GRB10: variants seen among roughly 807,000 people sequenced by gnomAD.
GRB10 encodes the protein growth factor receptor bound protein 10.
GRB10 carries 20 observed loss-of-function variants against 80.9 expected under a neutral mutation model. The ratio of observed to expected loss-of-function variants is 0.25; its 90% CI spans 0.17 to 0.36. GRB10 has a LOEUF of 0.36. Ranked by LOEUF, GRB10 falls within the 10% of genes least tolerant of loss-of-function variation. The pLI is 1.00. For synonymous variants in GRB10, 291 were observed against 291.5 expected, an observed-to-expected ratio of 1.00 and a Z score of 0.02; for missense variants, 548 against 747.7, an observed-to-expected ratio of 0.73 and a Z score of 3.12.
chr7:50,669,600 C>A, intron 7 of GRB10, 122 bp downstream of exon 7: 2 of 937,958 alleles, frequency 2.1e-6, no homozygotes, highest in Non-Finnish European at 3.3e-6. Context: ...AAGAAAAGAA[C>A]TGAGAGAGAA....
intron 3 of GRB10, among the ~76,000 whole-genome samples, chr7:50,737,198 A>G (rs927024327): frequency 6.6e-6 from 1 of 152,232 alleles, no homozygotes; most frequent in African/African-American, 2.4e-5. Flanking sequence ...CCCCACCCAA[A>G]TCTCATGTTG....
chr7:50,592,936 G>A lies in GRB10; in HGVS notation c.*16C>T, dbSNP rs576031631. 11 of 1,613,734 alleles carry A rather than the reference G, an allele frequency of 6.8e-6. No individual in the cohort carries two copies. Among genetic ancestry groups the A allele is most frequent in the African/African-American group, 1.3e-5 (1 of 75,030 alleles). The stretch of plus-strand genomic sequence containing the variant: ...TGTTCACTTCCTCCAGTCTTCAGCC[G>A]AGAGGACATCTGCGGTCATAAGGCC... On this transcript the variant is annotated 3_prime_UTR_variant, in exon 19 of 19. Transcript: ENST00000401949.
chr7:50,738,069 T>C (rs1490342073), intron 3 of GRB10, among the ~76,000 whole-genome samples: 2 of 152,158 alleles, frequency 1.3e-5, no homozygotes, highest in Admixed American at 1.3e-4. Flanking sequence ...TGCAACAAGA[T>C]ACCACCTGAC....
intron 4 of GRB10, among the ~76,000 whole-genome samples, chr7:50,715,245 C>A (rs1394845794): frequency 6.6e-6 from 1 of 151,534 alleles, no homozygotes; most frequent in Non-Finnish European, 1.5e-5. Flanking sequence ...CAGGGAAGGG[C>A]ATGGAGCAGC....
intron 7 of GRB10, among the ~76,000 whole-genome samples, chr7:50,666,124 T>C (rs1010222222): frequency 1.3e-5 from 2 of 152,216 alleles, no homozygotes; most frequent in African/African-American, 4.8e-5. Context: ...CCTGTCCTTC[T>C]AGATAGAATA....
chr7:50,663,288 T>A (rs1218164142), intron 7 of GRB10, among the ~76,000 whole-genome samples: 1 of 152,154 alleles, frequency 6.6e-6, no homozygotes, highest in Non-Finnish European at 1.5e-5. Context: ...AGGTGGCACC[T>A]CCCTGTACCT....
At chr7:50,754,819 A>G (rs1422281202) in intron 3 of GRB10, among the ~76,000 whole-genome samples, 2 of 152,186 alleles carry the variant, frequency 1.3e-5, no homozygotes, top group Non-Finnish European at 2.9e-5. Context: ...CCTAACCCCC[A>G]GCACTTCAGA....
At chr7:50,704,561 T>C (rs1563519402) in intron 4 of GRB10, among the ~76,000 whole-genome samples, 1 of 152,214 alleles carries the variant, frequency 6.6e-6, no homozygotes, top group Non-Finnish European at 1.5e-5. Context: ...TATAGATTTA[T>C]AAAAATCTTT....
In GRB10 at chr7:50,616,290, G is replaced by C. The variant is rs1463141448; in HGVS notation, c.904C>G (p.Leu302Val). The C allele has an allele frequency of 2.0e-5, 32 of 1,613,972 alleles. No individual in the cohort carries two copies. The highest frequency in any genetic ancestry group is 2.6e-5 in the Non-Finnish European group (31 of 1,179,974). Reference protein sequence around the residue: ...EIQGFLHVKELGKKSWKKLYV... With the variant: ...EIQGFLHVKEVGKKSWKKLYV... ...AGCTTTTTCCATGATTTCTTTCCCAGCTCTTTCACATGCAAAAACCCTTGA... is the reference window on the plus strand; with the variant it reads ...AGCTTTTTCCATGATTTCTTTCCCACCTCTTTCACATGCAAAAACCCTTGA... The change falls in exon 11 of 19, where the codon CTG (leucine) becomes GTG (valine). Residue 302 changes from leucine (L) to valine (V), a missense_variant. Physicochemically the swap from Leu to Val is conservative, Grantham distance 32. This residue lies in a region of GRB10 where 270 missense variants were observed against 433.6 expected (regional missense o/e 0.62). Coordinates refer to ENST00000401949, the MANE Select transcript of GRB10 (RefSeq NM_001350814.2).
intron 3 of GRB10, among the ~76,000 whole-genome samples, chr7:50,742,265 GCGCGCGCACA>G (rs1220646739): frequency 8.4e-4 from 117 of 138,852 alleles, no homozygotes; most frequent in African/African-American, 3.0e-3. Context: ...ACGCGCACGC[GCGCGCGCACA>G]CACACACACA....
chr7:50,622,289 GC>G (rs2153585990), intron 8 of GRB10, among the ~76,000 whole-genome samples: 1 of 152,292 alleles, frequency 6.6e-6, no homozygotes, highest in African/African-American at 2.4e-5. Flanking sequence ...AAACCAGCCT[GC>G]AAAAGGCCCC....
intron 6 of GRB10, among the ~76,000 whole-genome samples, chr7:50,671,069 A>G (rs2060305991): frequency 1.3e-5 from 2 of 152,184 alleles, no homozygotes; most frequent in Admixed American, 6.5e-5. Context: ...AGCGAATGTC[A>G]AGTGTCTGGC....
chr7:50,762,373 T>C (rs1274346403), intron 2 of GRB10, among the ~76,000 whole-genome samples: 1 of 151,456 alleles, frequency 6.6e-6, no homozygotes, highest in Non-Finnish European at 1.5e-5. Flanking sequence ...TCAGAAGGGT[T>C]AGAAATGCAC....
Position 50,612,742 on chromosome 7 carries a change from T to G in GRB10, c.1193A>C (p.Lys398Thr). The G allele has an allele frequency of 6.2e-7, 1 of 1,610,334 alleles. No homozygotes were observed. Residue 398 changes from lysine (K) to threonine (T), a missense_variant and splice_region_variant, in exon 13 of 19, where the codon AAG becomes ACG. By Grantham distance (78) the Lys-to-Thr change is moderately conservative (BLOSUM62 -1). Transcript: ENST00000401949. The part of the protein sequence containing the change: ...TCWMTAFRLL[K>T]YGMLLYQNYR... ...CACAAACCGCAAGATGTCACATACC[T>G]TGAGGAGTCTGAACGCTGTCATCCA...
intron 7 of GRB10, among the ~76,000 whole-genome samples, chr7:50,666,752 G>A (rs535561097): frequency 6.6e-6 from 1 of 152,212 alleles, no homozygotes; most frequent in East Asian, 1.9e-4. Flanking sequence ...AAAAAGGAGA[G>A]AGGCAGGGCC....
chr7:50,677,285 AAC>A (rs747029806), intron 5 of GRB10, among the ~76,000 whole-genome samples: 3 of 152,220 alleles, frequency 2.0e-5, no homozygotes, highest in Non-Finnish European at 2.9e-5. Context: ...CACAAGGAAG[AAC>A]ACTCAGAGTC....
intron 7 of GRB10, among the ~76,000 whole-genome samples, chr7:50,647,895 C>T (rs537778408): frequency 1.3e-5 from 2 of 152,236 alleles, no homozygotes; most frequent in Admixed American, 6.5e-5. Flanking sequence ...GATGGGGGTA[C>T]TGGTCTGCTG....
rs865820743 is a variant in GRB10, at chr7:50,651,757, C to T, written c.504+17965G>A. On this transcript the variant is annotated intron_variant, in intron 7 of 18. Coordinates refer to ENST00000401949, the MANE Select transcript of GRB10 (RefSeq NM_001350814.2). ...TGTATGTATTTGACTCTCTTGAGTA[C>T]ATGCTTCAGTGCACAGAACTTTCAC... Among the ~76,000 whole-genome samples, 3 of 152,264 alleles carry T rather than the reference C, an allele frequency of 2.0e-5. No individual in the cohort carries two copies. In the South Asian group the frequency reaches 6.2e-4, roughly 32 times the overall value.
intron 8 of GRB10, among the ~76,000 whole-genome samples, chr7:50,625,172 C>T (rs908511399): frequency 6.6e-6 from 1 of 152,108 alleles, no homozygotes; most frequent in Admixed American, 6.5e-5. Flanking sequence ...TTCAAAATTT[C>T]TGAAACATTC....
Sources: gnomAD v4.1 joint callset for allele counts (sites outside exome capture counted in the v4.1 genomes callset) on GRCh38, gnomAD v4.1.1 for gene constraint, gnomAD v4.1.1 regional missense constraint, MANE v1.5 for transcripts, NCBI Gene and HGNC (gene_info 2026-07-23, HGNC 2026-07-21) for gene names.